NOL12: variants seen among roughly 807,000 people sequenced by gnomAD.
NOL12 encodes the protein nucleolar protein 12.
In NOL12, 21 loss-of-function variants were observed where a neutral mutation model predicts 25.2. The observed-to-expected ratio is 0.83, with a 90% CI of 0.59 to 1.20. The LOEUF is 1.20. Among genes scored for constraint, NOL12 ranks in the 50% most tolerant of loss-of-function variants. The pLI is 0.00. For synonymous variants in NOL12, 133 were observed against 113.8 expected, an observed-to-expected ratio of 1.17 and a Z score of -1.08; for missense variants, 286 against 287.6, an observed-to-expected ratio of 0.99 and a Z score of 0.04.
Position 37,692,092 on chromosome 22 carries a change from C to CA in NOL12, c.*757dup. On this transcript the variant is annotated 3_prime_UTR_variant, in exon 6 of 6. Transcript: ENST00000359114. ...GCAGTTGCAGCCGGGCTTGGTGGCT[C>CA]ACGCCTGTAATCCCAGCACTTTGGG... The CA allele has an allele frequency of 6.3e-6, 1 of 159,654 alleles. No homozygotes were observed. The highest frequency in any genetic ancestry group is 2.4e-5 in the African/African-American group (1 of 41,952). The allele number at this position is 159,654 out of a possible 1,614,324, so 9.9% of individuals were successfully genotyped here.
At chr22:37,687,275 C>T (rs1412758246) in intron 1 of NOL12, among the ~76,000 whole-genome samples, 1 of 148,742 alleles carries the variant, frequency 6.7e-6, no homozygotes, top group African/African-American at 2.5e-5. Context: ...CCCCCACCCG[C>T]CCCACAGCCT....
At chr22:37,686,545 G>A in intron 1 of NOL12, 70 bp downstream of exon 1, 2 of 1,451,684 alleles carry the variant, frequency 1.4e-6, no homozygotes, top group Non-Finnish European at 1.8e-6. Context: ...CTGGGGCCGA[G>A]CACGCTCCCG....
intron 4 of NOL12, among the ~76,000 whole-genome samples, chr22:37,689,287 C>T (rs1011637949): frequency 2.0e-5 from 3 of 152,212 alleles, no homozygotes; most frequent in African/African-American, 7.2e-5. Context: ...GCCTGCTTCC[C>T]TTTCTCCATC....
chr22:37,686,548 C>T, intron 1 of NOL12, 73 bp downstream of exon 1: 10 of 1,444,232 alleles, frequency 6.9e-6, no homozygotes, highest in East Asian at 2.9e-5. Flanking sequence ...GGGCCGAGCA[C>T]GCTCCCGCCG....
Position 37,692,956 on chromosome 22 carries a change from G to A in NOL12, c.*1620G>A. 1 of 370,806 alleles carries A rather than the reference G, an allele frequency of 2.7e-6. No individual in the cohort carries two copies. 23.0% of individuals were successfully genotyped at this position (370,806 alleles called of 1,614,324 possible). A position where few individuals can be genotyped will look rare whatever the true frequency, so the allele number is the denominator to read the frequency against. On this transcript the variant is annotated 3_prime_UTR_variant, in exon 6 of 6. Transcript: ENST00000359114. ...GAGTTCCCCTCAGGGATTGTGCTGA[G>A]CGCCTTGGCCTGGCTTCTTGGCTCC...
intron 1 of NOL12, chr22:37,687,092 C>T: frequency 1.0e-6 from 1 of 985,386 alleles, no homozygotes; most frequent in African/African-American, 1.7e-5. Flanking sequence ...TCCTAGCGTG[C>T]ATCAACAGGC....
In NOL12 at chr22:37,691,220, G is replaced by T. The variant is rs771528112; in HGVS notation, c.526G>T (p.Val176Phe). Residue 176 changes from valine (V) to phenylalanine (F), a missense_variant, in exon 6 of 6, where the codon GTC (valine) becomes TTC (phenylalanine). By Grantham distance (50) the Val-to-Phe change is conservative (BLOSUM62 -1). Coordinates refer to ENST00000359114, the MANE Select transcript of NOL12 (RefSeq NM_024313.3). ...ACTACATGCACACAGCCGCAAAAAG[G>T]TCAAGAGGAAACATCCCCGACGGGC... ...ASLHAHSRKK[V>F]KRKHPRRAQD... 8.1e-6 allele frequency: 13 copies of T among 1,613,878 alleles called. 1 individual carries two copies. Among genetic ancestry groups the T allele is most frequent in the African/African-American group, 6.7e-5 (5 of 74,914 alleles).
Position 37,688,963 on chromosome 22 carries a change from G to T in NOL12, c.352G>T (p.Ala118Ser), listed in dbSNP as rs1395092547. The T allele has an allele frequency of 3.7e-6, 6 of 1,613,214 alleles. No individual in the cohort carries two copies. In the South Asian group the frequency reaches 6.6e-5, roughly 18 times the overall value. Reference sequence around the variant, plus strand: ...CATCAGTGACCTGGACCTCTCGGGGGCCCGGCTGCTCGGGCTGACCCCACC... The same window carrying T: ...CATCAGTGACCTGGACCTCTCGGGGTCCCGGCTGCTCGGGCTGACCCCACC... ...TTISDLDLSG[A>S]RLLGLTPPEG... is the part of the protein sequence containing the mutation. The change falls in exon 4 of 6, where the codon GCC becomes TCC. Residue 118 changes from alanine to serine, a missense_variant. Physicochemically the swap from Ala to Ser is moderately conservative, Grantham distance 99. Coordinates refer to ENST00000359114, the MANE Select transcript of NOL12 (RefSeq NM_024313.3).
At chr22:37,687,159 G>A in intron 1 of NOL12, 1 of 930,400 alleles carries the variant, frequency 1.1e-6, no homozygotes, top group Non-Finnish European at 1.3e-6. Context: ...GTCCAGTGCA[G>A]GGTTTCCGAA....
intron 3 of NOL12, among the ~76,000 whole-genome samples, chr22:37,688,598 G>C (rs1399412729): frequency 6.6e-6 from 1 of 152,184 alleles, no homozygotes; most frequent in African/African-American, 2.4e-5. Context: ...GGATGGAAAG[G>C]ACTAGGGGTG....
Position 37,688,900 on chromosome 22 carries a change from C to T in NOL12, c.289C>T (p.Gln97Ter). The T allele has an allele frequency of 2.5e-6, 4 of 1,613,978 alleles. No homozygotes were observed. Among genetic ancestry groups the T allele is most frequent in the Non-Finnish European group, 3.4e-6 (4 of 1,179,958 alleles). ...RLVTAKTESV[Q>*]YDHPNHTVTV... ...GGTGACAGCAAAGACGGAGTCGGTG[C>T]AGTATGACCACCCCAACCACACAGT... The change falls in exon 4 of 6, where the codon CAG (glutamine) becomes TAG (stop). Residue 97 changes from glutamine to a stop codon, truncating the protein, a stop_gained. Coordinates refer to ENST00000359114, the MANE Select transcript of NOL12 (RefSeq NM_024313.3). LOFTEE classifies it high-confidence loss of function.
chr22:37,692,596 C>A lies in NOL12; in HGVS notation c.*1260C>A. 5.0e-6 allele frequency: 2 copies of A among 398,698 alleles called. No individual in the cohort carries two copies. The highest frequency in any genetic ancestry group is 8.8e-6 in the Non-Finnish European group (2 of 226,148). The allele number at this position is 398,698 out of a possible 1,614,324, so 24.7% of individuals were successfully genotyped here. On this transcript the variant is annotated 3_prime_UTR_variant, in exon 6 of 6. Transcript: ENST00000359114. ...CTGTGTTGGGTCCTAAACACTAGGA[C>A]CACAAAGGGGAGTGAACTGTGTTCC...
rs147183523 is a variant in NOL12, at chr22:37,686,377, C to A, written c.-16C>A. ...GGAAGTGTCTTCAGGGAGAGGAAGCCGGCGGCCTCACTGCTATGGGCCGCA... is the reference window on the plus strand; with the variant it reads ...GGAAGTGTCTTCAGGGAGAGGAAGCAGGCGGCCTCACTGCTATGGGCCGCA... On this transcript the variant is annotated 5_prime_UTR_variant, in exon 1 of 6. Coordinates refer to ENST00000359114, the MANE Select transcript of NOL12 (RefSeq NM_024313.3). 6.3e-7 allele frequency: 1 copy of A among 1,585,530 alleles called. No homozygotes were observed. The highest frequency in any genetic ancestry group is 1.2e-5 in the South Asian group (1 of 86,850).
In NOL12 at chr22:37,692,637, C is replaced by T. The variant is rs1240238905; in HGVS notation, c.*1301C>T. 7.5e-6 allele frequency: 3 copies of T among 398,648 alleles called. No homozygotes were observed. Among genetic ancestry groups the T allele is most frequent in the Admixed American group, 8.8e-5 (2 of 22,702 alleles). 24.7% of individuals were successfully genotyped at this position (398,648 alleles called of 1,614,324 possible). A position where few individuals can be genotyped will look rare whatever the true frequency, so the allele number is the denominator to read the frequency against. ...ACTGTGTTCCCAGGGCTTGCTGACG[C>T]CCGTGGACTATGGAGTCAGGATGAC... On this transcript the variant is annotated 3_prime_UTR_variant, in exon 6 of 6. Transcript: ENST00000359114.
intron 1 of NOL12, 173 bp from the exon 2 acceptor site, chr22:37,687,737 C>T (rs1417548479): frequency 5.8e-6 from 3 of 521,240 alleles, no homozygotes; most frequent in South Asian, 4.0e-5. Context: ...GGATTACAGG[C>T]GTGAGCCACC....
intron 5 of NOL12, 32 bp downstream of exon 5, chr22:37,690,826 AC>A: frequency 6.6e-7 from 1 of 1,521,918 alleles, no homozygotes; most frequent in South Asian, 1.1e-5. Flanking sequence ...CCCCGGTCCC[AC>A]CCCTCCTGGC....
At chr22:37,688,102 TG>T in intron 2 of NOL12, 87 bp downstream of exon 2, 2 of 1,237,372 alleles carry the variant, frequency 1.6e-6, no homozygotes, top group South Asian at 1.3e-5. Context: ...GCTGCTGGCA[TG>T]GGGCGATGTG....
In NOL12 at chr22:37,689,898, G is replaced by A. The variant is rs549577411; in HGVS notation, c.382-799G>A. Among the ~76,000 whole-genome samples the A allele has an allele frequency of 2.3e-3, 351 of 152,108 alleles. 1 individual carries two copies. The highest frequency in any genetic ancestry group is 7.7e-3 in the African/African-American group (319 of 41,506). ...AAAAAAATTAGCCAGGGGGCCAGGCGCAGTGGCTCATGCCTGTAATCCCAG... is the reference window on the plus strand; with the variant it reads ...AAAAAAATTAGCCAGGGGGCCAGGCACAGTGGCTCATGCCTGTAATCCCAG... On this transcript the variant is annotated intron_variant, in intron 4 of 5. Coordinates refer to ENST00000359114, the MANE Select transcript of NOL12 (RefSeq NM_024313.3).
chr22:37,687,768 A>G, intron 1 of NOL12, 142 bp from the exon 2 acceptor site: 1 of 598,458 alleles, frequency 1.7e-6, no homozygotes. Context: ...ATTGTTGTGA[A>G]GGTTAAATGA....
Sources: gnomAD v4.1 joint callset for allele counts (sites outside exome capture counted in the v4.1 genomes callset) on GRCh38, gnomAD v4.1.1 for gene constraint, MANE v1.5 for transcripts, NCBI Gene and HGNC (gene_info 2026-07-23, HGNC 2026-07-21) for gene names.